Variants in KAZN observed in about 807,000 individuals in gnomAD.
The protein encoded by KAZN is kazrin.
A neutral mutation model predicts 87.4 loss-of-function variants in KAZN; 40 were observed. That is an observed-to-expected ratio of 0.46 (90% CI 0.36 to 0.60). The LOEUF (loss-of-function observed/expected upper bound fraction) is 0.60. Ranked by LOEUF, KAZN falls within the 20% of genes least tolerant of loss-of-function variation. The pLI is 0.00. For missense variants in KAZN, 898 were observed against 1,073.9 expected, an observed-to-expected ratio of 0.84 and a Z score of 2.29; for synonymous variants, 466 against 458.3, an observed-to-expected ratio of 1.02 and a Z score of -0.22.
chr1:13,982,592 C>T (rs1157247774), intron 1 of KAZN, among the ~76,000 whole-genome samples: 4 of 152,222 alleles, frequency 2.6e-5, no homozygotes, highest in South Asian at 4.1e-4. Context: ...ATTCTCTTAT[C>T]TGGCCCCACC....
chr1:14,790,544 T>C (rs1371488005), intron 1 of KAZN, among the ~76,000 whole-genome samples: 1 of 152,168 alleles, frequency 6.6e-6, no homozygotes, highest in Non-Finnish European at 1.5e-5. Context: ...TTACAGAATG[T>C]TTACAGCACC....
At chr1:14,454,832 A>G (rs1257011055) in intron 2 of KAZN, among the ~76,000 whole-genome samples, 1 of 152,220 alleles carries the variant, frequency 6.6e-6, no homozygotes, top group Non-Finnish European at 1.5e-5. Context: ...AGATCTTAGC[A>G]GCTTAAAACA....
intron 2 of KAZN, among the ~76,000 whole-genome samples, chr1:14,514,584 T>A (rs1287233436): frequency 9.4e-5 from 3 of 32,062 alleles, no homozygotes; most frequent in East Asian, 7.5e-4. Flanking sequence ...TTTTATATAT[T>A]TTTTTATATT....
intron 2 of KAZN, among the ~76,000 whole-genome samples, chr1:14,187,881 C>G (rs1646341129): frequency 6.6e-6 from 1 of 152,122 alleles, no homozygotes; most frequent in African/African-American, 2.4e-5. Flanking sequence ...AATTGATTTT[C>G]CAGATACATC....
intron 1 of KAZN, among the ~76,000 whole-genome samples, chr1:14,142,137 A>G (rs1449533641): frequency 5.6e-5 from 8 of 142,972 alleles, no homozygotes; most frequent in African/African-American, 2.1e-4. Flanking sequence ...GCTTGCCTTA[A>G]AACCAGATGG....
chr1:14,267,536 G>GT (rs1187418219), intron 2 of KAZN, among the ~76,000 whole-genome samples: 1 of 152,074 alleles, frequency 6.6e-6, no homozygotes, highest in East Asian at 1.9e-4. Context: ...ATACTATACC[G>GT]TTTTTTATAA....
At chr1:13,941,210 A>AC (rs1425551451) in intron 1 of KAZN, among the ~76,000 whole-genome samples, 127 of 151,304 alleles carry the variant, frequency 8.4e-4, no homozygotes, top group South Asian at 6.5e-3. Flanking sequence ...AACAACAACA[A>AC]AAAAAAAACA....
intron 1 of KAZN, among the ~76,000 whole-genome samples, chr1:14,834,871 C>T (rs916888789): frequency 1.1e-4 from 17 of 152,240 alleles, no homozygotes; most frequent in African/African-American, 3.9e-4. Flanking sequence ...TGTTATAACA[C>T]TGAGTCTGGA....
intron 1 of KAZN, among the ~76,000 whole-genome samples, chr1:14,149,843 A>G (rs1645435998): frequency 6.6e-6 from 1 of 152,198 alleles, no homozygotes; most frequent in African/African-American, 2.4e-5. Flanking sequence ...GTTTTACAAG[A>G]TGCATATTTT....
intron 2 of KAZN, among the ~76,000 whole-genome samples, chr1:14,579,581 C>T (rs1675407830): frequency 6.6e-6 from 1 of 150,922 alleles, no homozygotes; most frequent in East Asian, 2.0e-4. Flanking sequence ...GCCGAGATCG[C>T]ACCACTGCAC....
rs35461813 is a variant in KAZN at position 14,444,306 on chromosome 1, A to ATTTTTTTTTT, written c.250-154663_250-154654dup. On this transcript the variant is annotated intron_variant, in intron 2 of 16. Coordinates refer to the KAZN transcript ENST00000636203. ...ATCTCCAAAATAAACTAAATTCATG[A>ATTTTTTTTTT]TTTTTTTTTTTTTTTTTTTTTTTGA... Among the ~76,000 whole-genome samples the ATTTTTTTTTT allele has an allele frequency of 1.2e-4, 11 of 95,232 alleles. 1 individual carries two copies. The highest frequency in any genetic ancestry group is 4.5e-4 in the African/African-American group (10 of 22,410). The allele number at this position is 95,232 out of a possible 152,430, so 62.5% of individuals were successfully genotyped here.
intron 2 of KAZN, among the ~76,000 whole-genome samples, chr1:14,387,676 G>A (rs1255916291): frequency 6.6e-6 from 1 of 152,064 alleles, no homozygotes; most frequent in South Asian, 2.1e-4. Flanking sequence ...CCCGTTCTCA[G>A]ATCTCCAGCT....
Position 15,112,738 on chromosome 1 carries a change from C to T in KAZN, c.2163+197C>T, listed in dbSNP as rs554377676. The T allele has an allele frequency of 9.9e-6, 5 of 505,666 alleles. No individual in the cohort carries two copies. In the East Asian group the frequency reaches 1.3e-4, roughly 13 times the overall value. 31.3% of individuals were successfully genotyped at this position (505,666 alleles called of 1,614,324 possible). On this transcript the variant is annotated intron_variant, in intron 14 of 14. Transcript: ENST00000376030. ...GATGCTTTGGGTACAGTGCACAAAG[C>T]CCCCGCAGGGCTTCGAGTAGCACCT...
chr1:14,261,195 G>C (rs1038303541), intron 2 of KAZN, among the ~76,000 whole-genome samples: 1 of 152,190 alleles, frequency 6.6e-6, no homozygotes, highest in African/African-American at 2.4e-5. Context: ...TTACTATTGT[G>C]AGATCTTAGA....
At chr1:14,698,096 G>C (rs779651089) in intron 1 of KAZN, among the ~76,000 whole-genome samples, 1 of 152,216 alleles carries the variant, frequency 6.6e-6, no homozygotes, top group African/African-American at 2.4e-5. Context: ...CCCAAGGACT[G>C]TTCAGAGTCT....
At chr1:14,196,751 G>A (rs1215049106) in intron 2 of KAZN, among the ~76,000 whole-genome samples, 1 of 152,060 alleles carries the variant, frequency 6.6e-6, no homozygotes, top group Non-Finnish European at 1.5e-5. Flanking sequence ...ATGTGATGGG[G>A]TAAGTTCCTC....
chr1:14,202,716 GAT>G (rs1314929919), intron 2 of KAZN, among the ~76,000 whole-genome samples: 1 of 152,122 alleles, frequency 6.6e-6, no homozygotes, highest in Non-Finnish European at 1.5e-5. Flanking sequence ...CACTATGCTA[GAT>G]ATTTTCACAT....
chr1:14,528,236 G>T (rs894695532), intron 2 of KAZN, among the ~76,000 whole-genome samples: 3 of 149,008 alleles, frequency 2.0e-5, no homozygotes, highest in Non-Finnish European at 3.0e-5. Flanking sequence ...TACTCAAGAG[G>T]CTGAGGCAGG....
chr1:14,535,012 GC>G (rs1420582764), intron 2 of KAZN, among the ~76,000 whole-genome samples: 1 of 151,888 alleles, frequency 6.6e-6, no homozygotes, highest in Non-Finnish European at 1.5e-5. Flanking sequence ...TGAGTTTGGG[GC>G]CTACCTCTTC....
Sources: gnomAD v4.1 joint callset for allele counts (sites outside exome capture counted in the v4.1 genomes callset) on GRCh38, gnomAD v4.1.1 for gene constraint, MANE v1.5 for transcripts, NCBI Gene and HGNC (gene_info 2026-07-23, HGNC 2026-07-21) for gene names.